USP9X: variants seen among roughly 807,000 people sequenced by gnomAD.
USP9X encodes ubiquitin carboxyl-terminal hydrolase 9X.
In USP9X, 7 loss-of-function variants were observed where a neutral mutation model predicts 190.3. That is an observed-to-expected ratio of 0.04 (90% confidence interval 0.02 to 0.07). The LOEUF (loss-of-function observed/expected upper bound fraction) is 0.07. Ranked by LOEUF, USP9X falls within the 10% of genes least tolerant of loss-of-function variation. The probability of loss-of-function intolerance (pLI) is 1.00; values close to 1 mark genes in which losing one functional copy is unlikely to be tolerated. For missense variants in USP9X, 1,010 were observed against 1,916.9 expected (o/e 0.53, Z 8.83); for synonymous variants, 645 against 659.5 (o/e 0.98, Z 0.34).
chrX:41,169,968 G>GT (rs2062710579), intron 18 of USP9X, 27 bp from the exon 19 acceptor site: 1 of 1,206,274 alleles, frequency 8.3e-7, no homozygotes, highest in Non-Finnish European at 1.1e-6. Context: ...TGAATATGAT[G>GT]ATGTCTGTCT....
rs1308188136 is a variant in USP9X at position 41,158,144 on chromosome X, G to C, written c.1898-4646G>C. 4.5e-5 allele frequency among the ~76,000 whole-genome samples: 5 copies of C among 110,988 alleles called. No individual in the cohort carries two copies. In the East Asian group the frequency reaches 1.1e-3, roughly 25 times the overall value. On this transcript the variant is annotated intron_variant, in intron 14 of 44. Coordinates refer to ENST00000378308, the MANE Select transcript of USP9X (RefSeq NM_001039591.3). ...TCAGGGAAATATTGGGTACCATGAAGGGGACCAACATTAATTTTAATGGGA... is the reference window on the plus strand; with the variant it reads ...TCAGGGAAATATTGGGTACCATGAACGGGACCAACATTAATTTTAATGGGA...
chrX:41,150,596 A>G (rs1382909478), intron 12 of USP9X, among the ~76,000 whole-genome samples: 6 of 111,153 alleles, frequency 5.4e-5, no homozygotes, highest in Non-Finnish European at 7.5e-5. Flanking sequence ...CTAAATACCT[A>G]CCCTCTGGCA....
intron 23 of USP9X, among the ~76,000 whole-genome samples, chrX:41,185,280 G>A (rs2147160697): frequency 8.9e-6 from 1 of 112,349 alleles, no homozygotes; most frequent in African/African-American, 3.2e-5. Flanking sequence ...GTTTTCAATT[G>A]TGGAGATCAG....
chrX:41,187,829 C>CTTTTT (rs371008986), intron 24 of USP9X, among the ~76,000 whole-genome samples, 163 bp from the exon 25 acceptor site: 2 of 91,641 alleles, frequency 2.2e-5, no homozygotes, highest in Non-Finnish European at 4.5e-5. Context: ...CCGCCCCCAC[C>CTTTTT]TTTTTTTTTT....
intron 3 of USP9X, among the ~76,000 whole-genome samples, chrX:41,129,914 A>T (rs1407788041): frequency 1.8e-5 from 2 of 111,855 alleles, no homozygotes; most frequent in Non-Finnish European, 3.8e-5. Context: ...TATTAAATGC[A>T]TAATGTGAGG....
intron 1 of USP9X, among the ~76,000 whole-genome samples, chrX:41,114,907 AGTT>A (rs1229887462): frequency 9.0e-6 from 1 of 110,786 alleles, no homozygotes; most frequent in Non-Finnish European, 1.9e-5. Flanking sequence ...TGCTGTTAGT[AGTT>A]AAGTTTCTGA....
chrX:41,162,768 A>G, intron 14 of USP9X, 22 bp from the exon 15 acceptor site: 2 of 1,183,623 alleles, frequency 1.7e-6, no homozygotes, highest in Non-Finnish European at 2.3e-6. Context: ...TGTATAATGC[A>G]TGGTTTTTTC....
At position 41,085,479 on chromosome X, in the gene USP9X, A is replaced by T. The variant is rs1203150630; in HGVS notation, c.-789A>T. 5.9e-5 allele frequency among the ~76,000 whole-genome samples: 6 copies of T among 101,378 alleles called. No individual in the cohort carries two copies. Among genetic ancestry groups the T allele is most frequent in the Non-Finnish European group, 1.2e-4 (6 of 49,891 alleles). The allele number at this position is 101,378 out of a possible 115,157, so 88.0% of individuals were successfully genotyped here. A position where few individuals can be genotyped will look rare whatever the true frequency, so the allele number is the denominator to read the frequency against. ...ATCCGCCATATTGACGAGGACGGGC[A>T]TCCGCGGCTGCGGACGCTAGTCTCC... On this transcript the variant is annotated 5_prime_UTR_variant, in exon 1 of 45. Transcript: ENST00000378308.
chrX:41,124,322 A>G (rs756423479), intron 2 of USP9X, among the ~76,000 whole-genome samples: 2 of 108,949 alleles, frequency 1.8e-5, no homozygotes, highest in Non-Finnish European at 3.8e-5. Flanking sequence ...GCACGTGCCT[A>G]TAGTCCCAGC....
intron 32 of USP9X, among the ~76,000 whole-genome samples, chrX:41,206,839 G>A (rs2063102123): frequency 9.2e-6 from 1 of 108,339 alleles, no homozygotes; most frequent in Admixed American, 1.0e-4. Flanking sequence ...GTACAGTGGC[G>A]TGATCTCAGC....
intron 37 of USP9X, 64 bp from the exon 38 acceptor site, chrX:41,219,038 T>G: frequency 9.1e-7 from 1 of 1,102,059 alleles, no homozygotes; most frequent in South Asian, 2.2e-5. Context: ...ATGTCCTTTT[T>G]ATGCAAGTAG....
At chrX:41,196,057 A>C in intron 26 of USP9X, 194 bp from the exon 27 acceptor site, 1 of 515,835 alleles carries the variant, frequency 1.9e-6, no homozygotes, top group Non-Finnish European at 3.4e-6. Context: ...TCCTGGACAT[A>C]GAGCTTAAGT....
chrX:41,176,188 C>G (rs910851491), intron 21 of USP9X, among the ~76,000 whole-genome samples: 1 of 111,801 alleles, frequency 8.9e-6, no homozygotes, highest in Non-Finnish European at 1.9e-5. Context: ...AATGTTGGGT[C>G]TCTACCCCAG....
chrX:41,197,623 T>TTTTTAAGA, intron 29 of USP9X, 113 bp downstream of exon 29: 1 of 690,533 alleles, frequency 1.4e-6, no homozygotes, highest in Non-Finnish European at 2.0e-6. Flanking sequence ...TGATCTTTTC[T>TTTTTAAGA]CTTTTTTAAG....
chrX:41,197,352 C>CCCCCCCGGGGGGGGGGTG lies in USP9X; in HGVS notation c.4234-12_4234-11insCCCCCCGGGGGGGGGGTG. ...TTCTTCCCCCCCCCACCCCACCCCCCGCCTTTGGCAGGATGATGTTAAAAG... is the reference window on the plus strand; with the variant it reads ...TTCTTCCCCCCCCCACCCCACCCCCCCCCCCCGGGGGGGGGGTGGCCTTTGGCAGGATGATGTTAAAAG... On this transcript the variant is annotated splice_polypyrimidine_tract_variant and intron_variant, in intron 28 of 44. Coordinates refer to ENST00000378308, the MANE Select transcript of USP9X (RefSeq NM_001039591.3). 1.0e-6 allele frequency: 1 copy of CCCCCCCGGGGGGGGGGTG among 988,230 alleles called. No individual in the cohort carries two copies. Among genetic ancestry groups the CCCCCCCGGGGGGGGGGTG allele is most frequent in the Non-Finnish European group, 1.3e-6 (1 of 759,397 alleles). 81.4% of individuals were successfully genotyped at this position (988,230 alleles called of 1,213,427 possible). A position where few individuals can be genotyped will look rare whatever the true frequency, so the allele number is the denominator to read the frequency against.
rs774150789 is a variant in USP9X, at chrX:41,143,326, G to T, written c.1197G>T (p.Val399=). 8.3e-7 allele frequency: 1 copy of T among 1,201,231 alleles called. No individual in the cohort carries two copies. The highest frequency in any genetic ancestry group is 1.7e-5 in the African/African-American group (1 of 57,490). The change falls in exon 10 of 45, where the codon GTG becomes GTT. Residue 399 remains valine, a synonymous_variant. Coordinates refer to ENST00000378308, the MANE Select transcript of USP9X (RefSeq NM_001039591.3). ...WIQQNNILSI[V]LRDSLHQPQY... is the part of the protein sequence containing the mutation. ...AGCAGAACAATATCTTATCCATAGT[G>T]TTGCGAGATAGTCTTCATCAGCCAC...
chrX:41,177,244 CT>C (rs1306501855), intron 21 of USP9X, among the ~76,000 whole-genome samples: 2 of 112,494 alleles, frequency 1.8e-5, no homozygotes, highest in African/African-American at 6.4e-5. Flanking sequence ...CAGTATTGGA[CT>C]TTATAACAAT....
chrX:41,092,890 T>G (rs1032834447), intron 1 of USP9X, among the ~76,000 whole-genome samples: 17 of 110,594 alleles, frequency 1.5e-4, no homozygotes. Context: ...TTTTTTTTTT[T>G]AAGAGGAGGG....
chrX:41,155,164 A>G (rs1330617308), intron 14 of USP9X, among the ~76,000 whole-genome samples: 2 of 111,415 alleles, frequency 1.8e-5, no homozygotes, highest in African/African-American at 6.5e-5. Flanking sequence ...TGCTGCCTGT[A>G]TTTTATCTTC....
Sources: gnomAD v4.1 joint callset for allele counts (sites outside exome capture counted in the v4.1 genomes callset) on GRCh38, gnomAD v4.1.1 for gene constraint, MANE v1.5 for transcripts, NCBI Gene and HGNC (gene_info 2026-07-23, HGNC 2026-07-21) for gene names.